Variants in UNC5B observed in about 807,000 individuals in gnomAD.
The protein encoded by UNC5B is unc-5 netrin receptor B, also known as netrin receptor UNC5B.
A neutral mutation model predicts 103.7 loss-of-function variants in UNC5B; 56 were observed. The observed-to-expected ratio is 0.54, with a 90% confidence interval of 0.44 to 0.67. The LOEUF is 0.67. Among genes scored for constraint, UNC5B ranks in the 30% least tolerant of loss-of-function variants. UNC5B has a pLI of 0.00. For missense variants in UNC5B, 1,194 were observed against 1,284.5 expected (o/e 0.93, Z 1.08); for synonymous variants, 577 against 542.0 (o/e 1.06, Z -0.90).
chr10:71,284,622 G>A (rs1589193001), intron 2 of UNC5B, 98 bp from the exon 3 acceptor site: 2 of 1,551,468 alleles, frequency 1.3e-6, no homozygotes, highest in East Asian at 2.3e-5. Flanking sequence ...ACTTGGGCAA[G>A]AGTGCCAGCA....
chr10:71,223,706 G>A (rs1843495178), intron 1 of UNC5B, among the ~76,000 whole-genome samples: 1 of 145,514 alleles, frequency 6.9e-6, no homozygotes, highest in Non-Finnish European at 1.6e-5. Context: ...GCTGGTCCAG[G>A]CGACTTTAAA....
At chr10:71,267,212 T>C (rs974911055) in intron 1 of UNC5B, among the ~76,000 whole-genome samples, 1 of 152,108 alleles carries the variant, frequency 6.6e-6, no homozygotes, top group Non-Finnish European at 1.5e-5. Flanking sequence ...GTAAAAGTGG[T>C]CCCATTTCTC....
In UNC5B at chr10:71,289,006, T is replaced by C. The variant is rs1276874918; in HGVS notation, c.1099+16T>C. On this transcript the variant is annotated intron_variant, in intron 8 of 16. Coordinates refer to ENST00000335350, the MANE Select transcript of UNC5B (RefSeq NM_170744.5). ...AACAGCCACCGTAAGTCCCATTTCA[T>C]GGCTGTCCTCTTTCCTCTGGGGGAT... 6.2e-7 allele frequency: 1 copy of C among 1,614,236 alleles called. No individual in the cohort carries two copies. Among genetic ancestry groups the C allele is most frequent in the South Asian group, 1.1e-5 (1 of 91,086 alleles).
rs561900449 is a variant in UNC5B at position 71,232,653 on chromosome 10, G to A, written c.79+19589G>A. Among the ~76,000 whole-genome samples, 9 of 152,382 alleles carry A rather than the reference G, an allele frequency of 5.9e-5. No homozygotes were observed. The East Asian group carries it at 1.7e-3, about 29-fold the overall frequency. On this transcript the variant is annotated intron_variant, in intron 1 of 16. Coordinates refer to ENST00000335350, the MANE Select transcript of UNC5B (RefSeq NM_170744.5). ...TTGGGTCATTTACATGTCTTCAGTT[G>A]GTTAAGAAGGAGCTCTTACTGCCGA...
intron 1 of UNC5B, among the ~76,000 whole-genome samples, chr10:71,235,508 C>CGTTCCTCA (rs1443498380): frequency 6.6e-6 from 1 of 152,232 alleles, no homozygotes; most frequent in East Asian, 1.9e-4. Flanking sequence ...CCGTGGTCAG[C>CGTTCCTCA]GTTCCTCAGC....
rs200142644 is a variant in UNC5B, at chr10:71,280,054, G to C, written c.304+9G>C. On this transcript the variant is annotated intron_variant, in intron 2 of 16. Coordinates refer to ENST00000335350, the MANE Select transcript of UNC5B (RefSeq NM_170744.5). ...CCTGGATGAGGCCACCGGTGAGCCC[G>C]CCCCACTTGCCTGGGCACCCCAGGA... 1.2e-6 allele frequency: 2 copies of C among 1,612,706 alleles called. No individual in the cohort carries two copies. The highest frequency in any genetic ancestry group is 1.7e-6 in the Non-Finnish European group (2 of 1,179,848).
chr10:71,276,119 G>A (rs1055509326), intron 1 of UNC5B, among the ~76,000 whole-genome samples: 4 of 152,098 alleles, frequency 2.6e-5, no homozygotes, highest in Non-Finnish European at 5.9e-5. Flanking sequence ...TTACAAAGCT[G>A]TTTGGATCTA....
intron 1 of UNC5B, among the ~76,000 whole-genome samples, chr10:71,227,707 TACACACACACAC>T (rs57747777): frequency 7.0e-5 from 9 of 128,054 alleles, no homozygotes; most frequent in Non-Finnish European, 9.7e-5. Flanking sequence ...TACACACATA[TACACACACACAC>T]ACACACACAC....
At chr10:71,271,819 G>A (rs150645165) in intron 1 of UNC5B, among the ~76,000 whole-genome samples, 1,925 of 152,348 alleles carry the variant, frequency 0.013, 51 homozygotes, top group African/African-American at 0.043. Flanking sequence ...GCCGCTTCCT[G>A]TGACAGCAGA....
intron 8 of UNC5B, among the ~76,000 whole-genome samples, chr10:71,289,395 GT>G (rs773954009): frequency 4.6e-5 from 7 of 152,156 alleles, no homozygotes; most frequent in African/African-American, 9.6e-5. Flanking sequence ...CACCACTCCA[GT>G]CCCCCCTCAT....
At chr10:71,221,970 C>T (rs1361230299) in intron 1 of UNC5B, among the ~76,000 whole-genome samples, 1 of 152,106 alleles carries the variant, frequency 6.6e-6, no homozygotes, top group Non-Finnish European at 1.5e-5. Flanking sequence ...TTCTGAAGTG[C>T]TCAGTGACAT....
intron 15 of UNC5B, among the ~76,000 whole-genome samples, 178 bp downstream of exon 15, chr10:71,296,920 A>G (rs11817565): frequency 0.11 from 13,006 of 116,626 alleles, 378 homozygotes; most frequent in Non-Finnish European, 0.15. Context: ...CAGATATTCC[A>G]GCTGCACACC....
chr10:71,291,708 T>C lies in UNC5B; in HGVS notation c.1571T>C (p.Leu524Pro). 6.2e-7 allele frequency: 1 copy of C among 1,612,884 alleles called. No individual in the cohort carries two copies. Among genetic ancestry groups the C allele is most frequent in the Non-Finnish European group, 8.5e-7 (1 of 1,180,002 alleles). Reference protein sequence around the residue: ...DFARDTHFLHLRSASLGSQQL... With the variant: ...DFARDTHFLHPRSASLGSQQL... Reference sequence around the variant, plus strand: ...GCCCGGGACACCCACTTCCTGCACCTGCGCAGCGCCAGCCTCGGTTCCCAG... The same window carrying C: ...GCCCGGGACACCCACTTCCTGCACCCGCGCAGCGCCAGCCTCGGTTCCCAG... The change falls in exon 10 of 17, where the codon CTG becomes CCG. Residue 524 changes from leucine to proline, a missense_variant. Physicochemically the swap from Leu to Pro is moderately conservative, Grantham distance 98. Coordinates refer to ENST00000335350, the MANE Select transcript of UNC5B (RefSeq NM_170744.5).
At chr10:71,268,160 C>G (rs968556386) in intron 1 of UNC5B, among the ~76,000 whole-genome samples, 3 of 152,248 alleles carry the variant, frequency 2.0e-5, no homozygotes, top group African/African-American at 4.8e-5. Context: ...AACCCCTACC[C>G]AGTTCCAAGG....
At chr10:71,288,292 T>C (rs534750316) in intron 6 of UNC5B, among the ~76,000 whole-genome samples, 2 of 152,356 alleles carry the variant, frequency 1.3e-5, no homozygotes, top group South Asian at 4.1e-4. Context: ...TCTGTGTGTG[T>C]AAATCGTGCA....
chr10:71,231,627 T>C (rs1008613381), intron 1 of UNC5B, among the ~76,000 whole-genome samples: 9 of 151,816 alleles, frequency 5.9e-5, no homozygotes, highest in African/African-American at 2.2e-4. Context: ...AAAACCACAA[T>C]CGTACGTAAA....
intron 13 of UNC5B, among the ~76,000 whole-genome samples, chr10:71,295,191 G>A (rs1845375392): frequency 6.6e-6 from 1 of 152,234 alleles, no homozygotes. Flanking sequence ...GCCCTGTGAT[G>A]GGTGCAAGGT....
At chr10:71,272,663 G>A (rs911304090) in intron 1 of UNC5B, among the ~76,000 whole-genome samples, 4 of 152,196 alleles carry the variant, frequency 2.6e-5, no homozygotes, top group African/African-American at 9.7e-5. Flanking sequence ...AATTTGCTGT[G>A]TGGTGTTGCA....
At chr10:71,217,118 G>C (rs1843346226) in intron 1 of UNC5B, 1 of 152,716 alleles carries the variant, frequency 6.5e-6, no homozygotes, top group Non-Finnish European at 1.5e-5. Flanking sequence ...CAGAGCTGGC[G>C]CTTCTCTTGG....
Sources: allele counts gnomAD v4.1 joint callset (sites outside exome capture counted in the v4.1 genomes callset), GRCh38; gene constraint gnomAD v4.1.1; transcripts MANE v1.5; gene names NCBI Gene and HGNC (gene_info 2026-07-23, HGNC 2026-07-21).